The following RPA1 variants were observed in gnomAD, a reference collection of about 807,000 sequenced individuals.
The protein encoded by RPA1 is replication protein A1, also known as replication protein A 70 kDa DNA-binding subunit.
A neutral mutation model predicts 83.0 loss-of-function variants in RPA1; 49 were observed. The ratio of observed to expected loss-of-function variants is 0.59; its 90% CI spans 0.47 to 0.75. RPA1 has a LOEUF of 0.75. Among genes scored for constraint, RPA1 ranks in the 30% least tolerant of loss-of-function variants. The pLI, the probability that RPA1 is intolerant of heterozygous loss-of-function variation, is 0.00. For synonymous variants in RPA1, 279 were observed against 281.8 expected (o/e 0.99, Z 0.10); for missense variants, 693 against 776.1 (o/e 0.89, Z 1.27).
intron 5 of RPA1, among the ~76,000 whole-genome samples, chr17:1,871,467 C>A (rs2080612976): frequency 6.6e-6 from 1 of 152,068 alleles, no homozygotes; most frequent in South Asian, 2.1e-4. Context: ...AGGTGGGAAG[C>A]CCTCCCAGCC....
chr17:1,844,154 C>T (rs2151271471), intron 3 of RPA1, among the ~76,000 whole-genome samples, 156 bp downstream of exon 3: 1 of 152,274 alleles, frequency 6.6e-6, no homozygotes, highest in South Asian at 2.1e-4. Context: ...AGAGAGCATT[C>T]TAACAATAGA....
intron 1 of RPA1, among the ~76,000 whole-genome samples, chr17:1,832,108 T>G (rs1911641943): frequency 6.6e-6 from 1 of 152,006 alleles, no homozygotes; most frequent in Non-Finnish European, 1.5e-5. Flanking sequence ...TTTTGTATTT[T>G]TAGTAGACAC....
intron 1 of RPA1, among the ~76,000 whole-genome samples, chr17:1,840,248 A>G (rs998880121): frequency 2.0e-5 from 3 of 152,008 alleles, no homozygotes; most frequent in Admixed American, 1.3e-4. Context: ...ATTCTTCCTC[A>G]GCTTTCTGAG....
intron 8 of RPA1, 115 bp downstream of exon 8, chr17:1,877,429 G>A (rs577883096): frequency 1.2e-6 from 1 of 843,800 alleles, no homozygotes; most frequent in African/African-American, 1.7e-5. Context: ...CTCTGCGGAG[G>A]GCAGTGGGCT....
chr17:1,849,175 C>T (rs1438562494), intron 4 of RPA1, among the ~76,000 whole-genome samples: 2 of 152,104 alleles, frequency 1.3e-5, no homozygotes, highest in Non-Finnish European at 2.9e-5. Context: ...CCGTTCTTGC[C>T]AGTACTTCAA....
rs986142679 is a variant in RPA1 at position 1,830,101 on chromosome 17, G to C, written c.8G>C (p.Gly3Ala). 6.4e-6 allele frequency: 8 copies of C among 1,250,012 alleles called. No individual in the cohort carries two copies. In the African/African-American group the frequency reaches 1.2e-4, roughly 19 times the overall value. The allele number at this position is 1,250,012 out of a possible 1,614,324, so 77.4% of individuals were successfully genotyped here. The part of the protein sequence containing the change: MV[G>A]QLSEGAIAAI... Reference sequence around the variant, plus strand: ...AGTCTTGGCGGTGGAGCCATGGTCGGCCAACTGAGCGAGGGGGCCATTGCG... The same window carrying C: ...AGTCTTGGCGGTGGAGCCATGGTCGCCCAACTGAGCGAGGGGGCCATTGCG... The change falls in exon 1 of 17, where the codon GGC becomes GCC. Residue 3 changes from glycine (G) to alanine (A), a missense_variant. By Grantham distance (60) the Gly-to-Ala change is moderately conservative. Coordinates refer to ENST00000254719, the MANE Select transcript of RPA1 (RefSeq NM_002945.5).
intron 5 of RPA1, among the ~76,000 whole-genome samples, chr17:1,859,082 T>C (rs571588982): frequency 1.2e-3 from 185 of 152,078 alleles, no homozygotes; most frequent in African/African-American, 4.2e-3. Context: ...TTTGTATTTT[T>C]AGTAAAGACA....
chr17:1,834,986 C>T lies in RPA1; in HGVS notation c.33+4860C>T, dbSNP rs147445598. The stretch of plus-strand genomic sequence containing the variant: ...AAGTGATTCTTTTGCCTCTGTCTCT[C>T]GATTACAGACGTGCGCCACCACGCC... On this transcript the variant is annotated intron_variant, in intron 1 of 16. Transcript: ENST00000254719. 1.7e-4 allele frequency among the ~76,000 whole-genome samples: 26 copies of T among 152,106 alleles called. 1 individual carries two copies. The East Asian group carries it at 4.3e-3, about 25-fold the overall frequency.
intron 5 of RPA1, among the ~76,000 whole-genome samples, chr17:1,865,161 T>G (rs1597441007): frequency 1.3e-5 from 2 of 152,180 alleles, no homozygotes; most frequent in East Asian, 3.8e-4. Flanking sequence ...CAGTTTTTAA[T>G]CATTAAATAA....
chr17:1,883,288 C>G (rs534276119), intron 12 of RPA1, among the ~76,000 whole-genome samples: 1 of 152,108 alleles, frequency 6.6e-6, no homozygotes, highest in African/African-American at 2.4e-5. Context: ...CTCAGCCTCC[C>G]GAGTAGCTGG....
chr17:1,847,002 G>A (rs544419593), intron 4 of RPA1, among the ~76,000 whole-genome samples: 51 of 152,120 alleles, frequency 3.4e-4, no homozygotes, highest in African/African-American at 1.2e-3. Context: ...CTGTTAATTT[G>A]TTGGATTCAT....
At chr17:1,843,340 T>C (rs1912127325) in intron 2 of RPA1, among the ~76,000 whole-genome samples, 1 of 151,896 alleles carries the variant, frequency 6.6e-6, no homozygotes, top group South Asian at 2.1e-4. Flanking sequence ...CTGATGGGTC[T>C]CTCTGCTGCA....
intron 11 of RPA1, 139 bp downstream of exon 11, chr17:1,879,838 A>C: frequency 9.3e-7 from 1 of 1,072,018 alleles, no homozygotes; most frequent in Non-Finnish European, 1.3e-6. Flanking sequence ...ATCCTATAGG[A>C]TGGGGCCTTC....
At chr17:1,877,674 C>T (rs1020932486) in intron 8 of RPA1, among the ~76,000 whole-genome samples, 1 of 152,166 alleles carries the variant, frequency 6.6e-6, no homozygotes, top group African/African-American at 2.4e-5. Context: ...AAGCTGGAAA[C>T]AGTCTGATTT....
intron 1 of RPA1, among the ~76,000 whole-genome samples, chr17:1,833,160 C>CAG (rs34134288): frequency 3.3e-5 from 5 of 152,096 alleles, no homozygotes; most frequent in Admixed American, 3.3e-4. Flanking sequence ...CTCCTGGCCT[C>CAG]GAGATCCACC....
At chr17:1,889,029 C>A (rs996178412) in intron 14 of RPA1, among the ~76,000 whole-genome samples, 178 bp downstream of exon 14, 5 of 152,114 alleles carry the variant, frequency 3.3e-5, no homozygotes, top group African/African-American at 1.2e-4. Flanking sequence ...TTGAGATACC[C>A]CAGCTGATTC....
intron 1 of RPA1, among the ~76,000 whole-genome samples, chr17:1,835,302 C>T (rs1052923588): frequency 1.3e-5 from 2 of 152,092 alleles, no homozygotes; most frequent in Non-Finnish European, 2.9e-5. Flanking sequence ...GTGCATGCCA[C>T]CATGCCCAGC....
In RPA1 at chr17:1,897,205, G is replaced by A; in HGVS notation, c.*30G>A. 4 of 1,484,378 alleles carry A rather than the reference G, an allele frequency of 2.7e-6. No homozygotes were observed. The highest frequency in any genetic ancestry group is 1.4e-5 in the African/African-American group (1 of 71,708). 92.0% of individuals were successfully genotyped at this position (1,484,378 alleles called of 1,614,324 possible). A position where few individuals can be genotyped will look rare whatever the true frequency, so the allele number is the denominator to read the frequency against. ...AGCAGTGCCAATCGGGCAGAAGTTT[G>A]CAAATAGGCAGAATGGAATCGATTT... On this transcript the variant is annotated 3_prime_UTR_variant, in exon 17 of 17. Coordinates refer to ENST00000254719, the MANE Select transcript of RPA1 (RefSeq NM_002945.5).
intron 4 of RPA1, among the ~76,000 whole-genome samples, chr17:1,852,275 A>G (rs1004773431): frequency 2.0e-5 from 3 of 152,232 alleles, no homozygotes; most frequent in Admixed American, 6.5e-5. Context: ...ACTAATGAAC[A>G]TATAATTAAG....
Sources: gnomAD v4.1 joint callset for allele counts (sites outside exome capture counted in the v4.1 genomes callset) on GRCh38, gnomAD v4.1.1 for gene constraint, MANE v1.5 for transcripts, NCBI Gene and HGNC (gene_info 2026-07-23, HGNC 2026-07-21) for gene names.